RGS7: variants seen among roughly 807,000 people sequenced by gnomAD.
The protein encoded by RGS7 is regulator of G-protein signaling 7.
In RGS7, 27 loss-of-function variants were observed where a neutral mutation model predicts 81.1. The ratio of observed to expected loss-of-function variants is 0.33; its 90% CI spans 0.25 to 0.46. The LOEUF is 0.46. Ranked by LOEUF, RGS7 falls within the 20% of genes least tolerant of loss-of-function variation. The pLI, the probability that RGS7 is intolerant of heterozygous loss-of-function variation, is 1.00. For missense variants in RGS7, 396 were observed against 607.4 expected, an observed-to-expected ratio of 0.65 and a Z score of 3.66; for synonymous variants, 208 against 207.7, an observed-to-expected ratio of 1.00 and a Z score of -0.01.
At chr1:241,318,682 G>A (rs879939496) in intron 2 of RGS7, among the ~76,000 whole-genome samples, 21 of 151,972 alleles carry the variant, frequency 1.4e-4, no homozygotes, top group Non-Finnish European at 8.8e-5. Flanking sequence ...CTCCATGTTG[G>A]TCAGGCTGGT....
At chr1:241,287,660 T>G (rs1332010867) in intron 2 of RGS7, among the ~76,000 whole-genome samples, 1 of 152,280 alleles carries the variant, frequency 6.6e-6, no homozygotes, top group South Asian at 2.1e-4. Context: ...TCCTGCCTCG[T>G]GTAATGGTCT....
At chr1:240,845,362 T>C (rs915633420) in intron 9 of RGS7, among the ~76,000 whole-genome samples, 4 of 152,188 alleles carry the variant, frequency 2.6e-5, no homozygotes, top group Admixed American at 6.5e-5. Context: ...CAATAGACCA[T>C]TTAATACATA....
At position 241,190,035 on chromosome 1, in the gene RGS7, G is replaced by A. The variant is rs555331360; in HGVS notation, c.79-91273C>T. Among the ~76,000 whole-genome samples the A allele has an allele frequency of 8.3e-4, 127 of 152,124 alleles. 2 individuals carry two copies. Among genetic ancestry groups the A allele is most frequent in the Admixed American group, 7.3e-3 (111 of 15,278 alleles). On this transcript the variant is annotated intron_variant, in intron 2 of 18. Transcript: ENST00000440928. ...GGAGAATGGCGTGAACCTGGGAGGC[G>A]GAGCTTGCAGTGAGCCGAGATGGCG...
intron 2 of RGS7, among the ~76,000 whole-genome samples, chr1:241,177,100 A>G (rs6666551): frequency 0.25 from 38,660 of 152,104 alleles, 5,983 homozygotes; most frequent in African/African-American, 0.44. Flanking sequence ...TGCCCTCAAG[A>G]GTCTTACATT....
At position 241,164,001 on chromosome 1, in the gene RGS7, C is replaced by T. The variant is rs1347407188; in HGVS notation, c.79-65239G>A. Among the ~76,000 whole-genome samples, 1 of 152,180 alleles carries T rather than the reference C, an allele frequency of 6.6e-6. No homozygotes were observed. The highest frequency in any genetic ancestry group is 2.4e-5 in the African/African-American group (1 of 41,450). The stretch of plus-strand genomic sequence containing the variant: ...GCGAATTACAAGTCCCAGTTTATTT[C>T]ACCTGTGCTTCTGACAGACCAGCTG... On this transcript the variant is annotated intron_variant, in intron 2 of 18. Transcript: ENST00000440928. This position sits in a 1 kb window ranked among gnomAD's most constrained non-coding sequence, Gnocchi z 4.1.
At chr1:241,342,061 A>G (rs78463398) in intron 2 of RGS7, among the ~76,000 whole-genome samples, 1 of 151,556 alleles carries the variant, frequency 6.6e-6, no homozygotes, top group Non-Finnish European at 1.5e-5. Flanking sequence ...TTTAGTAAAG[A>G]TGGGGTTTCA....
intron 2 of RGS7, among the ~76,000 whole-genome samples, chr1:241,312,505 T>G (rs1426928249): frequency 6.6e-6 from 1 of 152,204 alleles, no homozygotes; most frequent in Non-Finnish European, 1.5e-5. Flanking sequence ...TGCATTATTA[T>G]GATATCTGTG....
chr1:240,999,117 C>T (rs968995260), intron 3 of RGS7, among the ~76,000 whole-genome samples: 4 of 152,010 alleles, frequency 2.6e-5, no homozygotes, highest in Admixed American at 6.5e-5. Flanking sequence ...ACTGAGTTTT[C>T]CTTTTTGATG....
chr1:241,011,342 G>A (rs1373197677), intron 3 of RGS7, among the ~76,000 whole-genome samples: 1 of 152,144 alleles, frequency 6.6e-6, no homozygotes, highest in Non-Finnish European at 1.5e-5. Flanking sequence ...CTCATAGAAT[G>A]GCAGAGAGCA....
chr1:240,917,339 C>T (rs960902763), intron 6 of RGS7, among the ~76,000 whole-genome samples: 11 of 152,048 alleles, frequency 7.2e-5, no homozygotes, highest in East Asian at 3.9e-4. Flanking sequence ...AGTAAATGTA[C>T]GTCAAACAAA....
At chr1:241,082,459 T>C (rs911252312) in intron 3 of RGS7, among the ~76,000 whole-genome samples, 7 of 152,366 alleles carry the variant, frequency 4.6e-5, no homozygotes, top group Non-Finnish European at 8.8e-5. Context: ...TCGAACATTC[T>C]GGTGAAAATA....
chr1:241,222,075 G>C (rs1573208607), intron 2 of RGS7, among the ~76,000 whole-genome samples: 1 of 152,216 alleles, frequency 6.6e-6, no homozygotes, highest in East Asian at 1.9e-4. Flanking sequence ...TTCTTTGTTG[G>C]AAGTCCTCTT....
intron 3 of RGS7, among the ~76,000 whole-genome samples, chr1:241,059,062 C>T (rs1304108434): frequency 1.3e-5 from 2 of 152,170 alleles, no homozygotes; most frequent in East Asian, 3.9e-4. Flanking sequence ...TAACTATCCC[C>T]TCTTCCTTAA....
At chr1:241,016,203 A>G (rs1202404913) in intron 3 of RGS7, among the ~76,000 whole-genome samples, 1 of 152,184 alleles carries the variant, frequency 6.6e-6, no homozygotes, top group Non-Finnish European at 1.5e-5. Flanking sequence ...AACCAGGTTT[A>G]AATTCCTTAG....
At chr1:241,087,989 TATATATACACACACACAC>T (rs1558697910) in intron 3 of RGS7, among the ~76,000 whole-genome samples, 11 of 101,652 alleles carry the variant, frequency 1.1e-4, no homozygotes, top group African/African-American at 4.0e-4. Context: ...TATATATATA[TATATATACACACACACAC>T]ATATATATAT....
At chr1:240,786,456 A>G (rs1685086550) in intron 18 of RGS7, among the ~76,000 whole-genome samples, 1 of 152,188 alleles carries the variant, frequency 6.6e-6, no homozygotes, top group Non-Finnish European at 1.5e-5. Flanking sequence ...ATTTAGAGAG[A>G]TGCAACCAAC....
chr1:241,302,991 G>T lies in RGS7; in HGVS notation c.78+52708C>A, dbSNP rs57366894. Among the ~76,000 whole-genome samples the T allele has an allele frequency of 6.1e-3, 897 of 146,342 alleles. 8 individuals carry two copies. Among genetic ancestry groups the T allele is most frequent in the African/African-American group, 0.02 (836 of 41,062 alleles). The stretch of plus-strand genomic sequence containing the variant: ...TGTGTATGCCACTCTTCCCACTCAC[G>T]GACCCATGACTTCATGAACGTGGCT... On this transcript the variant is annotated intron_variant, in intron 2 of 18. Transcript: ENST00000440928.
At chr1:240,896,199 G>A (rs986901027) in intron 6 of RGS7, among the ~76,000 whole-genome samples, 2 of 152,082 alleles carry the variant, frequency 1.3e-5, no homozygotes, top group Admixed American at 6.6e-5. Flanking sequence ...TGTCAGATGG[G>A]TAGATTGTAA....
chr1:240,901,093 C>T (rs1481185611), intron 6 of RGS7, among the ~76,000 whole-genome samples: 1 of 152,336 alleles, frequency 6.6e-6, no homozygotes, highest in Non-Finnish European at 1.5e-5. Context: ...CCCTCCGAGC[C>T]AGGCATGGGA....
Sources: gnomAD v4.1 joint callset for allele counts (sites outside exome capture counted in the v4.1 genomes callset) on GRCh38, gnomAD v4.1.1 for gene constraint, Gnocchi (gnomAD v3.1) non-coding constraint, MANE v1.5 for transcripts, NCBI Gene and HGNC (gene_info 2026-07-23, HGNC 2026-07-21) for gene names.